The following ZBTB20 variants were observed in gnomAD, a reference collection of about 807,000 sequenced individuals.
ZBTB20 encodes the protein zinc finger and BTB domain containing 20.
In ZBTB20, 9 loss-of-function variants were observed where a neutral mutation model predicts 56.9. That is an observed-to-expected ratio of 0.16 (90% confidence interval 0.10 to 0.28). The LOEUF (loss-of-function observed/expected upper bound fraction) is 0.28, where lower values mean the gene tolerates loss of function less well. Among genes scored for constraint, ZBTB20 ranks in the 10% least tolerant of loss-of-function variants. ZBTB20 has a pLI of 1.00. For synonymous variants in ZBTB20, 417 were observed against 420.7 expected, an observed-to-expected ratio of 0.99 and a Z score of 0.11; for missense variants, 655 against 1,003.0, an observed-to-expected ratio of 0.65 and a Z score of 4.69.
chr3:114,931,706 T>C (rs959348507), intron 3 of ZBTB20, among the ~76,000 whole-genome samples: 1 of 150,856 alleles, frequency 6.6e-6, no homozygotes. Flanking sequence ...TTTTGTGTGT[T>C]TTTTTTTTAG....
rs544507017 is a variant in ZBTB20, at chr3:114,679,473, A to G, written c.-295+14055T>C. On this transcript the variant is annotated intron_variant, in intron 6 of 11. Transcript: ENST00000675478. ...AATAACCCCATCAAAAAGTGGGCAAAGATATGAACAGACACGTCTCAAAAG... is the reference window on the plus strand; with the variant it reads ...AATAACCCCATCAAAAAGTGGGCAAGGATATGAACAGACACGTCTCAAAAG... Among the ~76,000 whole-genome samples the G allele has an allele frequency of 5.3e-5, 8 of 152,268 alleles. No homozygotes were observed. In the South Asian group the frequency reaches 1.7e-3, roughly 32 times the overall value.
intron 3 of ZBTB20, among the ~76,000 whole-genome samples, chr3:114,902,877 G>C (rs1272139481): frequency 6.6e-6 from 1 of 152,150 alleles, no homozygotes; most frequent in East Asian, 1.9e-4. Context: ...AGAAGATAGA[G>C]CAAACCACTT....
chr3:114,816,146 T>G (rs2072899631), intron 4 of ZBTB20, among the ~76,000 whole-genome samples: 1 of 152,216 alleles, frequency 6.6e-6, no homozygotes, highest in African/African-American at 2.4e-5. Flanking sequence ...ACAAAAACTG[T>G]TACAAAGTGG....
rs917231985 is a variant in ZBTB20, at chr3:114,881,323, T to C, written c.-417+18981A>G. 2.6e-5 allele frequency among the ~76,000 whole-genome samples: 4 copies of C among 152,086 alleles called. 1 individual carries two copies. The highest frequency in any genetic ancestry group is 2.6e-4 in the Admixed American group (4 of 15,276). Reference sequence around the variant, plus strand: ...ATTGCCTTTTAATAACAATGATTACTTGAAGTGAACTTTTCAAGGTACAAA... The same window carrying C: ...ATTGCCTTTTAATAACAATGATTACCTGAAGTGAACTTTTCAAGGTACAAA... On this transcript the variant is annotated intron_variant, in intron 4 of 11. Coordinates refer to ENST00000675478, the MANE Select transcript of ZBTB20 (RefSeq NM_001348800.3).
intron 6 of ZBTB20, among the ~76,000 whole-genome samples, chr3:114,530,114 C>T (rs1479765448): frequency 6.6e-6 from 1 of 152,146 alleles, no homozygotes; most frequent in Non-Finnish European, 1.5e-5. Flanking sequence ...TTTAGTGTAG[C>T]CTAAATGTAC....
At chr3:114,716,197 C>T (rs1455921648) in intron 5 of ZBTB20, among the ~76,000 whole-genome samples, 1 of 152,124 alleles carries the variant, frequency 6.6e-6, no homozygotes, top group African/African-American at 2.4e-5. Flanking sequence ...AAGGTAATAA[C>T]ATTTTGCAGT....
At chr3:115,142,363 TA>T (rs1243538380) in intron 1 of ZBTB20, among the ~76,000 whole-genome samples, 1 of 152,022 alleles carries the variant, frequency 6.6e-6, no homozygotes, top group African/African-American at 2.4e-5. Context: ...TTTTGCTCTT[TA>T]AAAAAAATTC....
In ZBTB20 at chr3:114,817,520, A is replaced by AAAATAAAT. The variant is rs35530713; in HGVS notation, c.-416-16354_-416-16347dup. ...GCAAAAAGAGAGAAACTCTGTCTCA[A>AAAATAAAT]AAATAAATAAATAAATAAATAAATA... On this transcript the variant is annotated intron_variant, in intron 4 of 11. Coordinates refer to ENST00000675478, the MANE Select transcript of ZBTB20 (RefSeq NM_001348800.3). 3.3e-3 allele frequency among the ~76,000 whole-genome samples: 468 copies of AAAATAAAT among 143,174 alleles called. 3 individuals carry two copies. The highest frequency in any genetic ancestry group is 4.0e-3 in the Admixed American group (58 of 14,356). 93.9% of individuals were successfully genotyped at this position (143,174 alleles called of 152,430 possible).
intron 6 of ZBTB20, among the ~76,000 whole-genome samples, chr3:114,507,152 C>T (rs2044724163): frequency 6.6e-6 from 1 of 152,144 alleles, no homozygotes; most frequent in Admixed American, 6.5e-5. Flanking sequence ...GCTCTTTATT[C>T]TTGGGTCTAG....
chr3:114,478,551 T>G (rs983083897), intron 7 of ZBTB20, among the ~76,000 whole-genome samples: 1 of 152,252 alleles, frequency 6.6e-6, no homozygotes, highest in African/African-American at 2.4e-5. Context: ...GGTTTGATTA[T>G]CTTATGTCCA....
intron 10 of ZBTB20, among the ~76,000 whole-genome samples, chr3:114,373,967 G>A (rs920588009): frequency 1.3e-5 from 2 of 152,170 alleles, no homozygotes; most frequent in African/African-American, 4.8e-5. Flanking sequence ...TTCAAGACCT[G>A]TGCTTTTTTA....
chr3:115,074,096 AT>A (rs916662927), intron 1 of ZBTB20, among the ~76,000 whole-genome samples: 2 of 152,050 alleles, frequency 1.3e-5, no homozygotes, highest in Non-Finnish European at 2.9e-5. Flanking sequence ...TAATCTAATT[AT>A]TTTCAGCCTC....
intron 6 of ZBTB20, among the ~76,000 whole-genome samples, chr3:114,566,862 A>G (rs1314456793): frequency 1.3e-5 from 2 of 152,164 alleles, no homozygotes; most frequent in East Asian, 3.8e-4. Flanking sequence ...CTGTCCCTAG[A>G]CCTGAGGATG....
intron 7 of ZBTB20, among the ~76,000 whole-genome samples, chr3:114,424,758 G>C (rs1306212339): frequency 6.6e-6 from 1 of 152,096 alleles, no homozygotes; most frequent in Non-Finnish European, 1.5e-5. Context: ...TCTTCCTAAA[G>C]AAAAGAAGCA....
At chr3:114,476,835 T>C (rs2040832509) in intron 7 of ZBTB20, among the ~76,000 whole-genome samples, 1 of 152,228 alleles carries the variant, frequency 6.6e-6, no homozygotes, top group Non-Finnish European at 1.5e-5. Flanking sequence ...GGCTTTTGTT[T>C]ACTTGTAATT....
chr3:115,093,313 T>C (rs13092170), intron 1 of ZBTB20, among the ~76,000 whole-genome samples: 12,774 of 152,242 alleles, frequency 0.084, 738 homozygotes, highest in Non-Finnish European at 0.13. Context: ...GTATAGGCCG[T>C]ACCACATCTT....
chr3:114,321,276 CAG>C lies in ZBTB20; in HGVS notation c.*17727_*17728del, dbSNP rs2078885066. The stretch of plus-strand genomic sequence containing the variant: ...GGAAAGAAAAGAGAAGAGAAACAGG[CAG>C]ACTTCGGGCACCATCTCCCTTTGTT... On this transcript the variant is annotated 3_prime_UTR_variant, in exon 12 of 12. Coordinates refer to ENST00000675478, the MANE Select transcript of ZBTB20 (RefSeq NM_001348800.3). 1 of 152,252 alleles carries C rather than the reference CAG, an allele frequency of 6.6e-6. No homozygotes were observed. Among genetic ancestry groups the C allele is most frequent in the Admixed American group, 6.5e-5 (1 of 15,288 alleles). The allele number at this position is 152,252 out of a possible 1,614,324, so 9.4% of individuals were successfully genotyped here.
intron 2 of ZBTB20, among the ~76,000 whole-genome samples, chr3:115,003,062 T>C (rs2079315937): frequency 1.3e-5 from 2 of 151,544 alleles, no homozygotes; most frequent in African/African-American, 2.4e-5. Flanking sequence ...TCTAAACAGC[T>C]ATATCCCGTA....
rs563255509 is a variant in ZBTB20, at chr3:114,771,086, T to C, written c.-343+30015A>G. Among the ~76,000 whole-genome samples the C allele has an allele frequency of 2.9e-3, 438 of 152,344 alleles. 5 individuals carry two copies. Among genetic ancestry groups the C allele is most frequent in the Non-Finnish European group, 3.9e-3 (263 of 68,030 alleles). On this transcript the variant is annotated intron_variant, in intron 5 of 11. Transcript: ENST00000675478. ...CCCATATATGACTTCTGTTACGCAA[T>C]TGCATATTTCTCAGAACTCTATTTT...
Sources: gnomAD v4.1 joint callset for allele counts (sites outside exome capture counted in the v4.1 genomes callset) on GRCh38, gnomAD v4.1.1 for gene constraint, MANE v1.5 for transcripts, NCBI Gene and HGNC (gene_info 2026-07-23, HGNC 2026-07-21) for gene names.